Variants in SPAG17 observed in about 807,000 individuals in gnomAD.
SPAG17 encodes sperm associated antigen 17, also known as sperm-associated antigen 17.
In SPAG17, 169 loss-of-function variants were observed where a neutral mutation model predicts 273.6. The observed-to-expected ratio is 0.62, with a 90% confidence interval of 0.55 to 0.70. The LOEUF (loss-of-function observed/expected upper bound fraction) is 0.70. SPAG17 is among the 30% of genes least tolerant of loss of function. The probability of loss-of-function intolerance (pLI) is 0.00; values close to 1 mark genes in which losing one functional copy is unlikely to be tolerated. For missense variants in SPAG17, 2,557 were observed against 2,627.8 expected (o/e 0.97, Z 0.59); for synonymous variants, 825 against 873.2 (o/e 0.94, Z 0.97).
At chr1:118,113,621 A>G (rs1051976022) in intron 4 of SPAG17, among the ~76,000 whole-genome samples, 1 of 152,090 alleles carries the variant, frequency 6.6e-6, no homozygotes, top group Non-Finnish European at 1.5e-5. Context: ...GTCATATTAG[A>G]TTATGTAATC....
intron 18 of SPAG17, among the ~76,000 whole-genome samples, chr1:118,063,556 C>T (rs1023286758): frequency 3.9e-5 from 6 of 152,132 alleles, no homozygotes; most frequent in Non-Finnish European, 7.4e-5. Context: ...AACTGGATCC[C>T]TTCCTTACAC....
Position 118,031,678 on chromosome 1 carries a change from C to T in SPAG17, c.3609+14G>A, listed in dbSNP as rs1648490367. ...AGAAACAGAGTTTGGGAATCTATGGCAAGGTTCATTTACCTTTTTCTCTTC... is the reference window on the plus strand; with the variant it reads ...AGAAACAGAGTTTGGGAATCTATGGTAAGGTTCATTTACCTTTTTCTCTTC... On this transcript the variant is annotated intron_variant, in intron 25 of 48. Coordinates refer to ENST00000336338, the MANE Select transcript of SPAG17 (RefSeq NM_206996.4). 6.2e-7 allele frequency: 1 copy of T among 1,610,680 alleles called. No individual in the cohort carries two copies. The highest frequency in any genetic ancestry group is 1.1e-5 in the South Asian group (1 of 90,622).
intron 32 of SPAG17, among the ~76,000 whole-genome samples, chr1:118,001,377 A>G (rs566278208): frequency 2.4e-4 from 37 of 152,286 alleles, no homozygotes; most frequent in African/African-American, 8.7e-4. Flanking sequence ...ATTGATTGGA[A>G]TAGTTTCAGA....
At chr1:118,168,310 G>T (rs1660264757) in intron 1 of SPAG17, among the ~76,000 whole-genome samples, 1 of 151,984 alleles carries the variant, frequency 6.6e-6, no homozygotes, top group African/African-American at 2.4e-5. Context: ...TTGGAGTTTG[G>T]GTCTTTGATA....
chr1:118,028,176 C>A (rs573739842), intron 26 of SPAG17, 98 bp downstream of exon 26: 4 of 1,374,602 alleles, frequency 2.9e-6, no homozygotes, highest in East Asian at 4.6e-5. Flanking sequence ...TCATTATCAA[C>A]AAGATGTATG....
intron 3 of SPAG17, among the ~76,000 whole-genome samples, chr1:118,118,925 A>G (rs1235171396): frequency 1.3e-5 from 2 of 152,212 alleles, no homozygotes; most frequent in Non-Finnish European, 2.9e-5. Context: ...ATTTGATCCA[A>G]CAAAAATATA....
chr1:118,098,645 T>C (rs1208361593), intron 6 of SPAG17, among the ~76,000 whole-genome samples: 1 of 152,164 alleles, frequency 6.6e-6, no homozygotes, highest in Non-Finnish European at 1.5e-5. Flanking sequence ...ACCTCAACTT[T>C]TTAACTTAAT....
At chr1:118,152,761 T>G (rs560949442) in intron 1 of SPAG17, among the ~76,000 whole-genome samples, 1 of 152,344 alleles carries the variant, frequency 6.6e-6, no homozygotes, top group East Asian at 1.9e-4. Flanking sequence ...TGACCATTTA[T>G]TTTTTAAACA....
intron 5 of SPAG17, 51 bp downstream of exon 5, chr1:118,101,689 C>T (rs746640969): frequency 1.3e-6 from 2 of 1,550,754 alleles, no homozygotes; most frequent in Non-Finnish European, 1.8e-6. Flanking sequence ...CATTTTATTG[C>T]CACTGTGTTT....
intron 43 of SPAG17, among the ~76,000 whole-genome samples, chr1:117,975,619 G>C (rs922487473): frequency 4.6e-5 from 7 of 152,164 alleles, no homozygotes; most frequent in African/African-American, 2.4e-5. Context: ...GCCCATTCGT[G>C]AATCACCGTC....
intron 1 of SPAG17, among the ~76,000 whole-genome samples, chr1:118,159,359 A>T (rs1659800875): frequency 6.6e-6 from 1 of 152,162 alleles, no homozygotes; most frequent in African/African-American, 2.4e-5. Flanking sequence ...GGGTAGTGTC[A>T]AATTCTGCCT....
chr1:118,090,616 G>A (rs1037421359), intron 10 of SPAG17, among the ~76,000 whole-genome samples: 2 of 152,162 alleles, frequency 1.3e-5, no homozygotes, highest in Admixed American at 6.6e-5. Flanking sequence ...AGACACGGTG[G>A]TTCATGATTA....
At chr1:118,039,237 TG>T in intron 23 of SPAG17, 54 bp downstream of exon 23, 1 of 1,556,122 alleles carries the variant, frequency 6.4e-7, no homozygotes, top group Non-Finnish European at 8.7e-7. Flanking sequence ...TGGAGTGGAG[TG>T]GACAGAGACA....
chr1:118,182,998 A>C (rs981806830), intron 1 of SPAG17, among the ~76,000 whole-genome samples: 1 of 152,230 alleles, frequency 6.6e-6, no homozygotes, highest in African/African-American at 2.4e-5. Context: ...ACAGTGATAC[A>C]AGGTAAATTC....
chr1:118,165,572 T>C (rs916547531), intron 1 of SPAG17, among the ~76,000 whole-genome samples: 3 of 150,678 alleles, frequency 2.0e-5, no homozygotes, highest in African/African-American at 7.3e-5. Context: ...AGTTAAACAA[T>C]AGGCTTTTTA....
chr1:118,025,826 AG>A (rs1358182465), intron 26 of SPAG17, among the ~76,000 whole-genome samples: 2 of 152,276 alleles, frequency 1.3e-5, no homozygotes, highest in East Asian at 3.9e-4. Flanking sequence ...TGTGAATAAT[AG>A]GGCAGTTTCC....
intron 24 of SPAG17, 44 bp from the exon 25 acceptor site, chr1:118,031,911 A>T (rs1196839137): frequency 2.8e-5 from 41 of 1,440,012 alleles, no homozygotes; most frequent in Non-Finnish European, 3.9e-5. Context: ...CAACATTCAT[A>T]TTTGATATCC....
At chr1:118,135,409 G>A (rs12135628) in intron 3 of SPAG17, among the ~76,000 whole-genome samples, 353 of 129,066 alleles carry the variant, frequency 2.7e-3, no homozygotes, top group South Asian at 0.01. Flanking sequence ...GTGTGTGTGT[G>A]TATGTGTGTG....
At position 117,992,661 on chromosome 1, in the gene SPAG17, CA is replaced by C. The variant is rs931682104; in HGVS notation, c.5179-14del. On this transcript the variant is annotated splice_polypyrimidine_tract_variant and intron_variant, in intron 35 of 48. Transcript: ENST00000336338. ...CTGGAGTTTTTTTCTGTTAACAAAA[CA>C]AAGCAATAACACCACCAAAGAAATC... 4 of 1,562,072 alleles carry C rather than the reference CA, an allele frequency of 2.6e-6. No individual in the cohort carries two copies. In the African/African-American group the frequency reaches 5.6e-5, roughly 22 times the overall value.
Sources: allele counts gnomAD v4.1 joint callset (sites outside exome capture counted in the v4.1 genomes callset), GRCh38; gene constraint gnomAD v4.1.1; transcripts MANE v1.5; gene names NCBI Gene and HGNC (gene_info 2026-07-23, HGNC 2026-07-21).